The following ARMC3 variants were observed in gnomAD, a reference collection of about 807,000 sequenced individuals.
The protein encoded by ARMC3 is armadillo repeat-containing protein 3.
Under a neutral mutation model 90.3 loss-of-function variants are expected in ARMC3, and 74 were observed. The ratio of observed to expected loss-of-function variants is 0.82; its 90% CI spans 0.68 to 0.99. The LOEUF is 0.99. Among genes scored for constraint, ARMC3 ranks in the 50% least tolerant of loss-of-function variants. ARMC3 has a pLI of 0.00. For missense variants in ARMC3, 958 were observed against 1,042.8 expected, an observed-to-expected ratio of 0.92 and a Z score of 1.12; for synonymous variants, 334 against 361.8, an observed-to-expected ratio of 0.92 and a Z score of 0.87.
At chr10:23,010,478 C>T (rs1837905575) in intron 16 of ARMC3, among the ~76,000 whole-genome samples, 1 of 7,720 alleles carries the variant, frequency 1.3e-4, no homozygotes, top group Non-Finnish European at 4.0e-4. Context: ...TCCTTTCCCT[C>T]CTCCCTCCTT....
In ARMC3 at chr10:22,998,373, G is replaced by T; in HGVS notation, c.1401G>T (p.Ala467=). The change falls in exon 11 of 19, where the codon GCG becomes GCT. Residue 467 remains alanine (A), a synonymous_variant. Transcript: ENST00000298032. ...SKAALAVTAT[A]CDVEARTELR... is the part of the protein sequence containing the mutation. Reference sequence around the variant, plus strand: ...CTGCTCTCGCTGTCACCGCAACTGCGTGTGACGTTGAAGCCCGGACTGAGG... The same window carrying T: ...CTGCTCTCGCTGTCACCGCAACTGCTTGTGACGTTGAAGCCCGGACTGAGG... The T allele has an allele frequency of 6.2e-7, 1 of 1,614,118 alleles. No homozygotes were observed. Among genetic ancestry groups the T allele is most frequent in the Non-Finnish European group, 8.5e-7 (1 of 1,180,012 alleles).
intron 2 of ARMC3, among the ~76,000 whole-genome samples, chr10:22,939,573 A>G (rs1293282977): frequency 6.6e-6 from 1 of 152,162 alleles, no homozygotes; most frequent in African/African-American, 2.4e-5. Flanking sequence ...TGCCCTACCT[A>G]ATAAAGCTTA....
chr10:23,030,274 A>G (rs12098728), intron 16 of ARMC3, among the ~76,000 whole-genome samples: 3,342 of 152,290 alleles, frequency 0.022, 126 homozygotes, highest in African/African-American at 0.077. Context: ...ACCAAAATCC[A>G]TGCATACTCT....
intron 2 of ARMC3, among the ~76,000 whole-genome samples, chr10:22,944,367 T>C (rs180997562): frequency 6.6e-6 from 1 of 152,214 alleles, no homozygotes; most frequent in African/African-American, 2.4e-5. Flanking sequence ...TTTTAAACCA[T>C]CTTGTGTTAT....
chr10:23,037,317 G>A lies in ARMC3; in HGVS notation c.2457G>A (p.Glu819=), dbSNP rs146940219. ...TTGGTTGCTCCCTAGTTCGCGGAGAGTACGGTAGAGCGTGGAATGAAGTCA... is the reference window on the plus strand; with the variant it reads ...TTGGTTGCTCCCTAGTTCGCGGAGAATACGGTAGAGCGTGGAATGAAGTCA... ...IGIGCSLVRG[E]YGRAWNEVML... is the part of the protein sequence containing the mutation. Residue 819 remains glutamate (E), a synonymous_variant, in exon 19 of 19, where the codon GAG becomes GAA. Coordinates refer to ENST00000298032, the MANE Select transcript of ARMC3 (RefSeq NM_173081.5). 2 of 1,613,516 alleles carry A rather than the reference G, an allele frequency of 1.2e-6. No individual in the cohort carries two copies. The highest frequency in any genetic ancestry group is 1.7e-4 in the Middle Eastern group (1 of 6,020).
intron 3 of ARMC3, among the ~76,000 whole-genome samples, chr10:22,950,737 G>T (rs1357486505): frequency 6.6e-6 from 1 of 152,034 alleles, no homozygotes; most frequent in Non-Finnish European, 1.5e-5. Context: ...TTCAAGAAGT[G>T]CATTTAGAAT....
At position 22,947,325 on chromosome 10, in the gene ARMC3, C is replaced by CA. The variant is rs140227935; in HGVS notation, c.166+1076dup. The stretch of plus-strand genomic sequence containing the variant: ...TGTCTCAAAAAACAAACCAACCAAC[C>CA]AAAAAAAAAAAACAGAAAACAAACC... On this transcript the variant is annotated intron_variant, in intron 3 of 18. Transcript: ENST00000298032. Among the ~76,000 whole-genome samples the CA allele has an allele frequency of 4.2e-3, 592 of 139,444 alleles. 3 individuals are homozygous for CA. Among genetic ancestry groups the CA allele is most frequent in the African/African-American group, 0.01 (396 of 39,516 alleles). 91.5% of individuals were successfully genotyped at this position (139,444 alleles called of 152,430 possible).
chr10:22,941,486 A>C (rs549401714), intron 2 of ARMC3, among the ~76,000 whole-genome samples: 1 of 152,314 alleles, frequency 6.6e-6, no homozygotes, highest in East Asian at 1.9e-4. Context: ...AAGTAAGATG[A>C]GAATGTGTCC....
rs553407000 is a variant in ARMC3 at position 23,026,773 on chromosome 10, G to C, written c.2046-3823G>C. On this transcript the variant is annotated intron_variant, in intron 16 of 18. Transcript: ENST00000298032. ...TTAGTTTTATACAATTTTATCACGTGTAGGTTTATGCCTCTACTAGCACAG... is the reference window on the plus strand; with the variant it reads ...TTAGTTTTATACAATTTTATCACGTCTAGGTTTATGCCTCTACTAGCACAG... Among the ~76,000 whole-genome samples the C allele has an allele frequency of 2.0e-5, 3 of 152,252 alleles. No homozygotes were observed. The East Asian group carries it at 5.8e-4, about 29-fold the overall frequency.
At chr10:22,963,920 CACAAAAAAAAAAAA>C (rs1327145507) in intron 7 of ARMC3, among the ~76,000 whole-genome samples, 11 of 50,570 alleles carry the variant, frequency 2.2e-4, no homozygotes, top group African/African-American at 3.3e-4. Context: ...CACACACACA[CACAAAAAAAAAAAA>C]AAAAAAAAAA....
At chr10:23,020,652 T>C (rs180812858) in intron 16 of ARMC3, among the ~76,000 whole-genome samples, 116 of 152,354 alleles carry the variant, frequency 7.6e-4, no homozygotes, top group South Asian at 1.2e-3. Flanking sequence ...TAAATAGTGG[T>C]ATCTCATCAT....
intron 10 of ARMC3, among the ~76,000 whole-genome samples, chr10:22,982,378 TCAAA>T (rs1047094129): frequency 2.2e-4 from 34 of 152,322 alleles, no homozygotes; most frequent in African/African-American, 4.6e-4. Flanking sequence ...AGGCTCCGCT[TCAAA>T]CAAACAAACA....
chr10:23,024,449 A>T (rs1420986818), intron 16 of ARMC3, among the ~76,000 whole-genome samples: 1 of 151,766 alleles, frequency 6.6e-6, no homozygotes, highest in East Asian at 1.9e-4. Flanking sequence ...TCCATGCAGT[A>T]GACTATCCAT....
At chr10:23,037,201 A>C in intron 18 of ARMC3, 69 bp from the exon 19 acceptor site, 2 of 1,364,710 alleles carry the variant, frequency 1.5e-6, no homozygotes, top group Non-Finnish European at 2.0e-6. Flanking sequence ...AAGGTGTGCA[A>C]TTACAAATAG....
Position 22,998,226 on chromosome 10 carries a change from T to C in ARMC3, c.1254T>C (p.Ala418=). 1 of 1,613,198 alleles carries C rather than the reference T, an allele frequency of 6.2e-7. No individual in the cohort carries two copies. Among genetic ancestry groups the C allele is most frequent in the African/African-American group, 1.3e-5 (1 of 75,044 alleles). ...AACGAGATGGAGCCATTGCCAACGC[T>C]GCTACAGTATTAACAAACATGGCCA... ...SSKRDGAIAN[A]ATVLTNMAMQ... The change falls in exon 11 of 19, where the codon GCT becomes GCC. Residue 418 remains alanine (A), a synonymous_variant. Coordinates refer to ENST00000298032, the MANE Select transcript of ARMC3 (RefSeq NM_173081.5).
rs1044692276 is a variant in ARMC3 at position 23,015,167 on chromosome 10, G to A, written c.2045+6236G>A. Among the ~76,000 whole-genome samples the A allele has an allele frequency of 4.6e-5, 7 of 152,168 alleles. No homozygotes were observed. The South Asian group carries it at 8.3e-4, about 18-fold the overall frequency. ...TATGGAGAAGAGAAAGGGGAAGTAC[G>A]GATTTCTTTTTCCTGATGAATCTCA... On this transcript the variant is annotated intron_variant, in intron 16 of 18. Coordinates refer to ENST00000298032, the MANE Select transcript of ARMC3 (RefSeq NM_173081.5).
At chr10:22,978,303 T>C (rs1836026199) in intron 8 of ARMC3, among the ~76,000 whole-genome samples, 2 of 152,164 alleles carry the variant, frequency 1.3e-5, no homozygotes, top group South Asian at 4.1e-4. Flanking sequence ...AAACTTATAA[T>C]CATGGCAGTA....
At chr10:23,018,038 A>C (rs986188594) in intron 16 of ARMC3, among the ~76,000 whole-genome samples, 1 of 152,258 alleles carries the variant, frequency 6.6e-6, no homozygotes, top group East Asian at 1.9e-4. Context: ...ATAAGGCAAC[A>C]ATTCTTTTTA....
chr10:23,037,414 A>C lies in ARMC3; in HGVS notation c.2554A>C (p.Met852Leu), dbSNP rs766736536. The change falls in exon 19 of 19, where the codon ATG (methionine) becomes CTG (leucine). Residue 852 changes from methionine to leucine, a missense_variant. Coordinates refer to ENST00000298032, the MANE Select transcript of ARMC3 (RefSeq NM_173081.5). ...TCCTGAGATGTACGTGATTGACCTC[A>C]TGTTCCATCCAGGTGGACTGATGAA... ...PAPEMYVIDL[M>L]FHPGGLMKLR... is the part of the protein sequence containing the mutation. The C allele has an allele frequency of 1.2e-6, 2 of 1,614,062 alleles. No homozygotes were observed. The highest frequency in any genetic ancestry group is 1.7e-6 in the Non-Finnish European group (2 of 1,179,952).
Sources: allele counts gnomAD v4.1 joint callset (sites outside exome capture counted in the v4.1 genomes callset), GRCh38; gene constraint gnomAD v4.1.1; transcripts MANE v1.5; gene names NCBI Gene and HGNC (gene_info 2026-07-23, HGNC 2026-07-21).